Variants in MELK observed in about 807,000 individuals in gnomAD.
The protein encoded by MELK is maternal embryonic leucine zipper kinase.
Under a neutral mutation model 85.0 loss-of-function variants are expected in MELK, and 81 were observed. The ratio of observed to expected loss-of-function variants is 0.95; its 90% CI spans 0.80 to 1.15. The LOEUF is 1.15. Ranked by LOEUF, MELK falls within the 50% of genes most tolerant of loss-of-function variation. The pLI, the probability that MELK is intolerant of heterozygous loss-of-function variation, is 0.00. For missense variants in MELK, 754 were observed against 777.5 expected (o/e 0.97, Z 0.36); for synonymous variants, 252 against 265.0 (o/e 0.95, Z 0.48).
intron 4 of MELK, among the ~76,000 whole-genome samples, chr9:36,590,386 G>A (rs140419792): frequency 6.6e-6 from 1 of 152,260 alleles, no homozygotes; most frequent in African/African-American, 2.4e-5. Flanking sequence ...TTCTGAGAGG[G>A]AATCTGTTTC....
intron 12 of MELK, 90 bp from the exon 13 acceptor site, chr9:36,657,151 T>C (rs1831330658): frequency 7.3e-7 from 1 of 1,378,050 alleles, no homozygotes; most frequent in African/African-American, 1.5e-5. Flanking sequence ...TCTCAGAATG[T>C]GTCTCTGTCG....
At chr9:36,588,886 A>G (rs1276990764) in intron 3 of MELK, among the ~76,000 whole-genome samples, 2 of 152,174 alleles carry the variant, frequency 1.3e-5, no homozygotes, top group Non-Finnish European at 2.9e-5. Context: ...TTTGCTCAGC[A>G]TGCTTCTTAA....
In MELK at chr9:36,633,012, T is replaced by A. The variant is rs1424920214; in HGVS notation, c.736-90T>A. ...TTTGTGATGATAAAGTTTACATCTG[T>A]TCTGATGCATTTTTAGTTTTCAGGA... On this transcript the variant is annotated intron_variant, in intron 9 of 17. Coordinates refer to ENST00000298048, the MANE Select transcript of MELK (RefSeq NM_014791.4). 10 of 872,664 alleles carry A rather than the reference T, an allele frequency of 1.1e-5. No homozygotes were observed. In the East Asian group the frequency reaches 2.5e-4, roughly 21 times the overall value. 54.1% of individuals were successfully genotyped at this position (872,664 alleles called of 1,614,324 possible). A position where few individuals can be genotyped will look rare whatever the true frequency, so the allele number is the denominator to read the frequency against.
At chr9:36,676,961 C>G (rs1833404886) in intron 17 of MELK, among the ~76,000 whole-genome samples, 199 bp from the exon 18 acceptor site, 3 of 152,130 alleles carry the variant, frequency 2.0e-5, no homozygotes. Flanking sequence ...TTCTTAGGAT[C>G]CTAGTTCAGT....
chr9:36,583,651 C>G lies in MELK; in HGVS notation c.83C>G (p.Ala28Gly). The G allele has an allele frequency of 5.6e-6, 9 of 1,611,614 alleles. No homozygotes were observed. Among genetic ancestry groups the G allele is most frequent in the Non-Finnish European group, 7.6e-6 (9 of 1,178,476 alleles). The part of the protein sequence containing the change: ...GTGGFAKVKL[A>G]CHILTGEMVA... ...GGTGGCTTTGCAAAGGTCAAACTTG[C>G]CTGCCATATCCTTACTGGAGAGATG... Residue 28 changes from alanine (A) to glycine (G), a missense_variant, in exon 3 of 18, where the codon GCC (alanine) becomes GGC (glycine). Transcript: ENST00000298048.
intron 17 of MELK, 94 bp from the exon 18 acceptor site, chr9:36,677,066 G>A: frequency 9.4e-7 from 1 of 1,065,508 alleles, no homozygotes; most frequent in East Asian, 2.4e-5. Context: ...TGAAATAATG[G>A]TTCATTTCCT....
intron 9 of MELK, among the ~76,000 whole-genome samples, chr9:36,631,344 G>A (rs541297764): frequency 6.6e-6 from 1 of 151,734 alleles, no homozygotes; most frequent in Admixed American, 6.6e-5. Context: ...CACAACCTCC[G>A]CTTCCTGGGT....
chr9:36,628,134 C>T (rs546711332), intron 8 of MELK, among the ~76,000 whole-genome samples: 28 of 152,138 alleles, frequency 1.8e-4, no homozygotes, highest in African/African-American at 6.7e-4. Context: ...CTCCTGACCT[C>T]GGCCTTCCAA....
intron 7 of MELK, among the ~76,000 whole-genome samples, chr9:36,603,137 G>A (rs924290156): frequency 1.3e-5 from 2 of 152,076 alleles, no homozygotes; most frequent in Non-Finnish European, 2.9e-5. Context: ...TTTCTTGTCC[G>A]TGTTAGTTCA....
chr9:36,595,909 AG>A (rs2135482016), intron 5 of MELK, among the ~76,000 whole-genome samples: 1 of 152,042 alleles, frequency 6.6e-6, no homozygotes, highest in East Asian at 1.9e-4. Flanking sequence ...TCTGCCTCTC[AG>A]GTTAAGGTGA....
rs749399471 is a variant in MELK, at chr9:36,583,684, TAA to T, written c.120_121del (p.Lys40AsnfsTer4). ...ATCCTTACTGGAGAGATGGTAGCTA[TAA>T]AAATCATGGATAAAAACACACTAGG... is the stretch of plus-strand genomic sequence containing the variant. On this transcript the variant is annotated frameshift_variant, in exon 3 of 18. Coordinates refer to ENST00000298048, the MANE Select transcript of MELK (RefSeq NM_014791.4). LOFTEE classifies it high-confidence loss of function. 1.2e-5 allele frequency: 19 copies of T among 1,612,678 alleles called. No individual in the cohort carries two copies. Among genetic ancestry groups the T allele is most frequent in the Non-Finnish European group, 1.5e-5 (18 of 1,179,166 alleles).
intron 13 of MELK, among the ~76,000 whole-genome samples, chr9:36,664,093 C>T (rs902303527): frequency 6.6e-6 from 1 of 151,910 alleles, no homozygotes; most frequent in African/African-American, 2.4e-5. Flanking sequence ...ATCTCTATTT[C>T]TTTTATTCTG....
chr9:36,660,007 C>A (rs2137596802), intron 13 of MELK, among the ~76,000 whole-genome samples: 1 of 152,290 alleles, frequency 6.6e-6, no homozygotes, highest in East Asian at 1.9e-4. Flanking sequence ...CCATGTTGGT[C>A]AGGCTGGTCT....
chr9:36,615,499 C>T (rs1419723930), intron 8 of MELK, among the ~76,000 whole-genome samples: 2 of 139,496 alleles, frequency 1.4e-5, no homozygotes, highest in African/African-American at 5.5e-5. Flanking sequence ...GGCTGACCCC[C>T]CCCCACCTCC....
intron 13 of MELK, among the ~76,000 whole-genome samples, chr9:36,657,907 T>C (rs79633042): frequency 6.6e-6 from 1 of 152,198 alleles, no homozygotes; most frequent in African/African-American, 2.4e-5. Flanking sequence ...AAATGAGGTA[T>C]AATGAGGTAT....
intron 8 of MELK, among the ~76,000 whole-genome samples, chr9:36,608,316 T>C (rs2135862717): frequency 7.2e-6 from 1 of 139,682 alleles, no homozygotes. Context: ...CACATTCACA[T>C]AACATTTTTA....
chr9:36,643,010 A>G lies in MELK; in HGVS notation c.848A>G (p.Asp283Gly), dbSNP rs1829896787. The G allele has an allele frequency of 6.2e-7, 1 of 1,609,476 alleles. No individual in the cohort carries two copies. Among genetic ancestry groups the G allele is most frequent in the Admixed American group, 1.7e-5 (1 of 59,032 alleles). Residue 283 changes from aspartate (D) to glycine (G), a missense_variant, in exon 11 of 18, where the codon GAT (aspartate) becomes GGT (glycine). Asp to Gly is a moderately conservative substitution (Grantham distance 94, BLOSUM62 -1). Coordinates refer to ENST00000298048, the MANE Select transcript of MELK (RefSeq NM_014791.4). Reference sequence around the variant, plus strand: ...TTTTTTTTGTAGTTTATTCACCTCGATGATGATTGCGTAACAGAACTTTCT... The same window carrying G: ...TTTTTTTTGTAGTTTATTCACCTCGGTGATGATTGCGTAACAGAACTTTCT... ...WQSKNPFIHL[D>G]DDCVTELSVH... is the part of the protein sequence containing the mutation.
At chr9:36,596,293 TCGC>T (rs1824224818) in intron 5 of MELK, among the ~76,000 whole-genome samples, 1 of 152,192 alleles carries the variant, frequency 6.6e-6, no homozygotes, top group Non-Finnish European at 1.5e-5. Context: ...GATAGAGTGA[TCGC>T]CCAGGCTGGA....
chr9:36,610,766 C>T (rs1167472405), intron 8 of MELK, among the ~76,000 whole-genome samples: 7 of 152,148 alleles, frequency 4.6e-5, no homozygotes, highest in Non-Finnish European at 1.0e-4. Flanking sequence ...GGCTTTAGCT[C>T]CAGTCAACAG....
Sources: gnomAD v4.1 joint callset for allele counts (sites outside exome capture counted in the v4.1 genomes callset) on GRCh38, gnomAD v4.1.1 for gene constraint, MANE v1.5 for transcripts, NCBI Gene and HGNC (gene_info 2026-07-23, HGNC 2026-07-21) for gene names.